Variants in ANTXR1 observed in about 807,000 individuals in gnomAD.
ANTXR1 encodes the protein ANTXR cell adhesion molecule 1, also known as anthrax toxin receptor 1.
Under a neutral mutation model 78.1 loss-of-function variants are expected in ANTXR1, and 19 were observed. That is an observed-to-expected ratio of 0.24 (90% CI 0.17 to 0.36). The LOEUF (loss-of-function observed/expected upper bound fraction) is 0.36, where lower values mean the gene tolerates loss of function less well. Among genes scored for constraint, ANTXR1 ranks in the 10% least tolerant of loss-of-function variants. The probability of loss-of-function intolerance (pLI) is 1.00; values close to 1 mark genes in which losing one functional copy is unlikely to be tolerated. For missense variants in ANTXR1, 518 were observed against 718.6 expected, an observed-to-expected ratio of 0.72 and a Z score of 3.19; for synonymous variants, 273 against 260.5, an observed-to-expected ratio of 1.05 and a Z score of -0.46.
intron 17 of ANTXR1, among the ~76,000 whole-genome samples, chr2:69,221,082 T>G (rs1049300421): frequency 6.6e-6 from 1 of 152,100 alleles, no homozygotes; most frequent in Non-Finnish European, 1.5e-5. Flanking sequence ...TGGGAAGGCT[T>G]GTTTGGGGTT....
intron 13 of ANTXR1, among the ~76,000 whole-genome samples, chr2:69,168,057 A>C (rs13429673): frequency 0.024 from 3,724 of 152,224 alleles, 108 homozygotes; most frequent in East Asian, 0.13. Context: ...GCATACTGCT[A>C]CTGACTCCCC....
In ANTXR1 at chr2:69,245,562, G is replaced by A. The variant is rs1424304915; in HGVS notation, c.*77G>A. 2.5e-6 allele frequency: 4 copies of A among 1,584,488 alleles called. No homozygotes were observed. The highest frequency in any genetic ancestry group is 3.4e-6 in the Non-Finnish European group (4 of 1,168,840). ...ACAAGTCTTTCCAGTTAGAGAAGAG[G>A]AGTGGTGATAAAGCCCACTGACCTT... On this transcript the variant is annotated 3_prime_UTR_variant, in exon 18 of 18. Coordinates refer to ENST00000303714, the MANE Select transcript of ANTXR1 (RefSeq NM_032208.3).
intron 3 of ANTXR1, among the ~76,000 whole-genome samples, chr2:69,067,585 G>A (rs758790204): frequency 2.6e-4 from 40 of 151,920 alleles, no homozygotes; most frequent in African/African-American, 8.7e-4. Flanking sequence ...ATGCCCAAGC[G>A]TCTCTCACCT....
intron 12 of ANTXR1, chr2:69,134,859 A>G (rs1212837764): frequency 1.1e-5 from 2 of 187,612 alleles, no homozygotes; most frequent in African/African-American, 4.6e-5. Flanking sequence ...GTAATTTACA[A>G]ACAACACATT....
chr2:69,065,575 A>C (rs1229323169), intron 3 of ANTXR1, among the ~76,000 whole-genome samples: 4 of 152,210 alleles, frequency 2.6e-5, no homozygotes, highest in Non-Finnish European at 5.9e-5. Flanking sequence ...ATATTCAACA[A>C]TTATAAGGGA....
chr2:69,152,527 G>A (rs905763568), intron 13 of ANTXR1, among the ~76,000 whole-genome samples: 4 of 152,168 alleles, frequency 2.6e-5, no homozygotes, highest in Admixed American at 6.5e-5. Flanking sequence ...TAGTTCTGGT[G>A]CTTAGGGAAG....
At chr2:69,025,938 T>G (rs1019127129) in intron 1 of ANTXR1, among the ~76,000 whole-genome samples, 11 of 152,232 alleles carry the variant, frequency 7.2e-5, no homozygotes, top group African/African-American at 2.2e-4. Context: ...GAAAGGGGAT[T>G]GAAGGTCAAA....
chr2:69,183,465 T>A (rs1026607972), intron 16 of ANTXR1, among the ~76,000 whole-genome samples: 26 of 152,008 alleles, frequency 1.7e-4, no homozygotes, highest in African/African-American at 4.6e-4. Context: ...TGCAGTTGTG[T>A]GATCTCTGCT....
chr2:69,170,578 AT>A, intron 14 of ANTXR1, among the ~76,000 whole-genome samples: 1 of 152,226 alleles, frequency 6.6e-6, no homozygotes, highest in Admixed American at 6.5e-5. Flanking sequence ...CAGTACAGTT[AT>A]TTGGAGCTTT....
rs117659472 is a variant in ANTXR1 at position 69,242,374 on chromosome 2, C to A, written c.1435-2851C>A. Among the ~76,000 whole-genome samples, 410 of 152,166 alleles carry A rather than the reference C, an allele frequency of 2.7e-3. 9 individuals carry two copies. The East Asian group carries it at 0.032, about 12-fold the overall frequency. On this transcript the variant is annotated intron_variant, in intron 17 of 17. Coordinates refer to ENST00000303714, the MANE Select transcript of ANTXR1 (RefSeq NM_032208.3). ...GGATGCTTTCAACTTTTTTGAAAAC[C>A]CCTGGGAATCCTAACATGGATTATG... is the stretch of plus-strand genomic sequence containing the variant.
At chr2:69,119,589 G>C (rs543903721) in intron 10 of ANTXR1, among the ~76,000 whole-genome samples, 1 of 152,352 alleles carries the variant, frequency 6.6e-6, no homozygotes, top group Non-Finnish European at 1.5e-5. Context: ...CTTTGCCTCT[G>C]GCTTGCGGTG....
intron 3 of ANTXR1, among the ~76,000 whole-genome samples, chr2:69,061,243 A>T (rs975721018): frequency 3.3e-5 from 5 of 152,152 alleles, no homozygotes; most frequent in Non-Finnish European, 5.9e-5. Context: ...ATTTACCTCC[A>T]CCAGAGAGGA....
At chr2:69,135,633 G>A (rs763170145) in intron 12 of ANTXR1, among the ~76,000 whole-genome samples, 5 of 151,928 alleles carry the variant, frequency 3.3e-5, no homozygotes, top group African/African-American at 1.2e-4. Context: ...AAAAATTATC[G>A]GTCTAAAGAG....
At chr2:69,164,338 A>G (rs996722870) in intron 13 of ANTXR1, among the ~76,000 whole-genome samples, 2 of 152,224 alleles carry the variant, frequency 1.3e-5, no homozygotes, top group African/African-American at 4.8e-5. Flanking sequence ...AGAAACATTT[A>G]TATGGAGGGT....
In ANTXR1 at chr2:69,074,628, G is replaced by A. The variant is rs578048528; in HGVS notation, c.493-962G>A. On this transcript the variant is annotated intron_variant, in intron 6 of 17. Coordinates refer to ENST00000303714, the MANE Select transcript of ANTXR1 (RefSeq NM_032208.3). ...GCAAATAAAGTTGAGGCTACAGTGA[G>A]TCTAAAAGTTTATTTTATCCTAAAA... Among the ~76,000 whole-genome samples, 3 of 152,260 alleles carry A rather than the reference G, an allele frequency of 2.0e-5. No homozygotes were observed. In the East Asian group the frequency reaches 5.8e-4, roughly 29 times the overall value.
At chr2:69,103,247 G>A (rs1159811600) in intron 10 of ANTXR1, 13 of 418,198 alleles carry the variant, frequency 3.1e-5, no homozygotes, top group Admixed American at 2.1e-4. Flanking sequence ...CGGAAGCAGC[G>A]GGGCACTGGT....
intron 2 of ANTXR1, among the ~76,000 whole-genome samples, chr2:69,041,960 C>G (rs752309230): frequency 6.6e-6 from 1 of 152,174 alleles, no homozygotes; most frequent in Admixed American, 6.5e-5. Context: ...GCTGGGCTGT[C>G]GTCTGTTGAC....
chr2:69,066,256 T>TG (rs1304901946), intron 3 of ANTXR1, among the ~76,000 whole-genome samples: 11 of 152,150 alleles, frequency 7.2e-5, no homozygotes, highest in Admixed American at 1.3e-4. Flanking sequence ...AAGCACTTCT[T>TG]GACATTCTAT....
At chr2:69,148,247 G>T (rs1447323533) in intron 12 of ANTXR1, among the ~76,000 whole-genome samples, 1 of 152,094 alleles carries the variant, frequency 6.6e-6, no homozygotes, top group Non-Finnish European at 1.5e-5. Flanking sequence ...CTTTCCACCC[G>T]CACTCATGCT....
Sources: allele counts gnomAD v4.1 joint callset (sites outside exome capture counted in the v4.1 genomes callset), GRCh38; gene constraint gnomAD v4.1.1; transcripts MANE v1.5; gene names NCBI Gene and HGNC (gene_info 2026-07-23, HGNC 2026-07-21).